Variants in TRIT1 observed in about 807,000 individuals in gnomAD.
TRIT1 encodes tRNA dimethylallyltransferase.
In TRIT1, 43 loss-of-function variants were observed where a neutral mutation model predicts 51.2. That is an observed-to-expected ratio of 0.84 (90% CI 0.66 to 1.08). The LOEUF (loss-of-function observed/expected upper bound fraction) is 1.08. Ranked by LOEUF, TRIT1 falls within the 50% of genes least tolerant of loss-of-function variation. TRIT1 has a pLI of 0.00. For synonymous variants in TRIT1, 184 were observed against 203.9 expected (o/e 0.90, Z 0.83); for missense variants, 528 against 578.4 (o/e 0.91, Z 0.89).
chr1:39,882,631 G>A (rs1389646697), intron 1 of TRIT1, among the ~76,000 whole-genome samples: 1 of 152,188 alleles, frequency 6.6e-6, no homozygotes, highest in East Asian at 1.9e-4. Context: ...ACTTAAAAAA[G>A]CATTTACCAC....
chr1:39,841,799 G>A lies in TRIT1; in HGVS notation c.1349C>T (p.Pro450Leu). Reference sequence around the variant, plus strand: ...CTGCCCTGGGGATCCCTTCTCTTTAGGTTCTTTGTTATGGTCTGGGGAAAC... The same window carrying A: ...CTGCCCTGGGGATCCCTTCTCTTTAAGTTCTTTGTTATGGTCTGGGGAAAC... ...QSVSPDHNKE[P>L]KEKGSPGQND... Residue 450 changes from proline (P) to leucine (L), a missense_variant, in exon 11 of 11, where the codon CCT becomes CTT. Coordinates refer to ENST00000316891, the MANE Select transcript of TRIT1 (RefSeq NM_017646.6). 1.9e-6 allele frequency: 3 copies of A among 1,614,000 alleles called. No individual in the cohort carries two copies. The highest frequency in any genetic ancestry group is 2.5e-6 in the Non-Finnish European group (3 of 1,179,950).
intron 1 of TRIT1, among the ~76,000 whole-genome samples, chr1:39,868,610 C>T (rs1643680648): frequency 6.7e-6 from 1 of 148,708 alleles, no homozygotes; most frequent in Non-Finnish European, 1.5e-5. Flanking sequence ...CGCCATTGCA[C>T]TCCAGCCTGG....
chr1:39,848,035 G>C lies in TRIT1; in HGVS notation c.766C>G (p.Leu256Val). 6.2e-7 allele frequency: 1 copy of C among 1,614,076 alleles called. No homozygotes were observed. Among genetic ancestry groups the C allele is most frequent in the Non-Finnish European group, 8.5e-7 (1 of 1,180,014 alleles). Reference protein sequence around the residue: ...DMLAAGLLEELRDFHRRYNQK... With the variant: ...DMLAAGLLEEVRDFHRRYNQK... ...TTATAGCGTCTGTGAAAATCTCTTA[G>C]TTCCTCCAAGAGCCCAGCAGCAAGC... The change falls in exon 6 of 11, where the codon CTA (leucine) becomes GTA (valine). Residue 256 changes from leucine to valine, a missense_variant. This residue lies in a region of TRIT1 where 468 missense variants were observed against 522.6 expected (regional missense o/e 0.90). Coordinates refer to ENST00000316891, the MANE Select transcript of TRIT1 (RefSeq NM_017646.6).
intron 2 of TRIT1, among the ~76,000 whole-genome samples, chr1:39,856,487 G>GA (rs61518870): frequency 0.023 from 2,452 of 108,656 alleles, 30 homozygotes; most frequent in Non-Finnish European, 0.03. Flanking sequence ...GTCTCTAGGA[G>GA]AAAAAAAAAA....
intron 1 of TRIT1, among the ~76,000 whole-genome samples, chr1:39,867,095 G>A (rs1161218715): frequency 2.0e-5 from 3 of 152,226 alleles, no homozygotes; most frequent in African/African-American, 4.8e-5. Context: ...TCTTTCCTAC[G>A]GCTCTTCTCT....
At chr1:39,865,058 C>G (rs1292166886) in intron 1 of TRIT1, among the ~76,000 whole-genome samples, 2 of 152,192 alleles carry the variant, frequency 1.3e-5, no homozygotes, top group African/African-American at 4.8e-5. Flanking sequence ...GCTTGCTGCC[C>G]TCCACTGCCC....
chr1:39,851,471 T>C (rs530630771), intron 4 of TRIT1, among the ~76,000 whole-genome samples: 1 of 152,318 alleles, frequency 6.6e-6, no homozygotes, highest in South Asian at 2.1e-4. Context: ...TTAAAAAAAA[T>C]TGAATGTTTT....
chr1:39,857,891 A>C (rs1036699340), intron 1 of TRIT1, among the ~76,000 whole-genome samples: 7 of 152,224 alleles, frequency 4.6e-5, no homozygotes, highest in African/African-American at 1.7e-4. Context: ...GTGGAGAAGG[A>C]GTCTACAAAA....
At chr1:39,850,044 C>T (rs3738672) in intron 5 of TRIT1, 75 bp downstream of exon 5, 30,881 of 1,520,266 alleles carry the variant, frequency 0.02, 2,200 homozygotes, top group East Asian at 0.19. Context: ...CCATGGTTCT[C>T]AGCATTTTCT....
intron 1 of TRIT1, among the ~76,000 whole-genome samples, chr1:39,878,141 T>C (rs940342355): frequency 2.0e-5 from 3 of 151,974 alleles, no homozygotes; most frequent in African/African-American, 7.3e-5. Context: ...GGGCATGTGT[T>C]TTCAGGACCT....
At position 39,839,536 on chromosome 1, in the gene TRIT1, G is replaced by C. The variant is rs748822858; in HGVS notation, c.*2208C>G. 5.4e-4 allele frequency among the ~76,000 whole-genome samples: 82 copies of C among 152,298 alleles called. No homozygotes were observed. The highest frequency in any genetic ancestry group is 9.7e-4 in the Non-Finnish European group (66 of 68,022). ...CATTCATAGGGGAGCAGGCACAAAA[G>C]GGGAAATCTACTCAGGGCAATGCTT... On this transcript the variant is annotated 3_prime_UTR_variant, in exon 11 of 11. Coordinates refer to ENST00000316891, the MANE Select transcript of TRIT1 (RefSeq NM_017646.6).
chr1:39,870,098 A>G (rs1167181964), intron 1 of TRIT1, among the ~76,000 whole-genome samples: 1 of 152,236 alleles, frequency 6.6e-6, no homozygotes, highest in Non-Finnish European at 1.5e-5. Flanking sequence ...AGGAAAGAGA[A>G]ATCAGATTGT....
intron 1 of TRIT1, among the ~76,000 whole-genome samples, chr1:39,861,436 A>G (rs1643238277): frequency 6.6e-6 from 1 of 152,200 alleles, no homozygotes; most frequent in Non-Finnish European, 1.5e-5. Context: ...TTAACATACA[A>G]CTTAGCAATT....
At chr1:39,841,942 C>CA (rs763480396) in intron 10 of TRIT1, 29 bp from the exon 11 acceptor site, 4 of 1,573,864 alleles carry the variant, frequency 2.5e-6, no homozygotes, top group East Asian at 4.5e-5. Flanking sequence ...ACCAAACAAA[C>CA]AAAAAAACTC....
At chr1:39,859,110 T>C (rs1030325321) in intron 1 of TRIT1, among the ~76,000 whole-genome samples, 4 of 151,562 alleles carry the variant, frequency 2.6e-5, no homozygotes, top group Admixed American at 1.3e-4. Flanking sequence ...AAAAATTAGC[T>C]GGGTGTCGTG....
At chr1:39,844,717 C>G in intron 8 of TRIT1, 77 bp from the exon 9 acceptor site, 1 of 1,019,352 alleles carries the variant, frequency 9.8e-7, no homozygotes, top group Non-Finnish European at 1.5e-6. Flanking sequence ...CTGAAATCCT[C>G]CAGGGAAATA....
chr1:39,847,464 C>G, intron 7 of TRIT1, 84 bp downstream of exon 7: 1 of 1,518,628 alleles, frequency 6.6e-7, no homozygotes, highest in East Asian at 2.3e-5. Context: ...ACGCTTTAAG[C>G]CTTGGCTCTT....
chr1:39,858,978 C>T (rs1398453339), intron 1 of TRIT1, among the ~76,000 whole-genome samples: 5 of 152,054 alleles, frequency 3.3e-5, no homozygotes, highest in Non-Finnish European at 7.4e-5. Context: ...GGAGGCCGGA[C>T]GCAGTGGTTC....
At chr1:39,861,831 G>A (rs1643261618) in intron 1 of TRIT1, among the ~76,000 whole-genome samples, 1 of 151,056 alleles carries the variant, frequency 6.6e-6, no homozygotes, top group Admixed American at 6.6e-5. Flanking sequence ...GGCTGAGACA[G>A]AAGAATTGCT....
Sources: gnomAD v4.1 joint callset for allele counts (sites outside exome capture counted in the v4.1 genomes callset) on GRCh38, gnomAD v4.1.1 for gene constraint, gnomAD v4.1.1 regional missense constraint, MANE v1.5 for transcripts, NCBI Gene and HGNC (gene_info 2026-07-23, HGNC 2026-07-21) for gene names.